The following CAMKMT variants were observed in gnomAD, a reference collection of about 807,000 sequenced individuals.
CAMKMT encodes calmodulin-lysine N-methyltransferase, also known as CaM KMT.
In CAMKMT, 53 loss-of-function variants were observed where a neutral mutation model predicts 48.0. The observed-to-expected ratio is 1.10, with a 90% CI of 0.89 to 1.39. The LOEUF is 1.39. Ranked by LOEUF, CAMKMT falls within the 40% of genes most tolerant of loss-of-function variation. The pLI, the probability that CAMKMT is intolerant of heterozygous loss-of-function variation, is 0.00. For missense variants in CAMKMT, 428 were observed against 402.7 expected, an observed-to-expected ratio of 1.06 and a Z score of -0.54; for synonymous variants, 165 against 152.3, an observed-to-expected ratio of 1.08 and a Z score of -0.61.
intron 3 of CAMKMT, among the ~76,000 whole-genome samples, chr2:44,605,148 G>A (rs542647671): frequency 7.9e-5 from 12 of 152,070 alleles, no homozygotes; most frequent in Admixed American, 5.9e-4. Flanking sequence ...GTGTAATAGG[G>A]AGACAAAAAC....
chr2:44,394,699 A>T (rs1169558140), intron 3 of CAMKMT, among the ~76,000 whole-genome samples: 1 of 152,168 alleles, frequency 6.6e-6, no homozygotes, highest in African/African-American at 2.4e-5. Context: ...AAGTGCTGGG[A>T]TTATAGGCAA....
chr2:44,624,349 T>C (rs1043985378), intron 3 of CAMKMT, among the ~76,000 whole-genome samples: 1 of 152,160 alleles, frequency 6.6e-6, no homozygotes, highest in African/African-American at 2.4e-5. Flanking sequence ...TATTATACTT[T>C]AAGTTTTAGG....
intron 3 of CAMKMT, among the ~76,000 whole-genome samples, chr2:44,545,596 G>A (rs900871934): frequency 8.6e-5 from 13 of 151,532 alleles, no homozygotes; most frequent in African/African-American, 3.1e-4. Flanking sequence ...TTGAGATACA[G>A]GGAGGTTGTG....
chr2:44,451,259 A>G (rs1437263299), intron 3 of CAMKMT, among the ~76,000 whole-genome samples: 1 of 152,074 alleles, frequency 6.6e-6, no homozygotes, highest in Non-Finnish European at 1.5e-5. Flanking sequence ...AGAGGTTTGA[A>G]GTAGAATAGT....
chr2:44,487,327 G>T (rs1159061534), intron 3 of CAMKMT, among the ~76,000 whole-genome samples: 2 of 151,802 alleles, frequency 1.3e-5, no homozygotes, highest in East Asian at 3.9e-4. Flanking sequence ...AGCTTAAAAA[G>T]AACTTTCTAG....
At chr2:44,623,160 TA>T (rs1366782732) in intron 3 of CAMKMT, among the ~76,000 whole-genome samples, 1 of 152,144 alleles carries the variant, frequency 6.6e-6, no homozygotes, top group Non-Finnish European at 1.5e-5. Flanking sequence ...GTCCTTTGCC[TA>T]CTTCTTAATG....
chr2:44,588,648 T>G lies in CAMKMT; in HGVS notation c.377-115635T>G, dbSNP rs1299993503. ...CCAGCCGCCCAGTCCGGGAGGGAGG[T>G]GGGGGGTCAGCCCCCCGCCCGGCCA... is the stretch of plus-strand genomic sequence containing the variant. On this transcript the variant is annotated intron_variant, in intron 3 of 10. Coordinates refer to ENST00000378494, the MANE Select transcript of CAMKMT (RefSeq NM_024766.5). 4.0e-4 allele frequency among the ~76,000 whole-genome samples: 10 copies of G among 24,842 alleles called. 1 individual carries two copies. Among genetic ancestry groups the G allele is most frequent in the Non-Finnish European group, 4.7e-4 (6 of 12,844 alleles). The allele number at this position is 24,842 out of a possible 152,430, so 16.3% of individuals were successfully genotyped here.
intron 3 of CAMKMT, chr2:44,456,692 ACCT>A (rs2104606232): frequency 1.5e-6 from 2 of 1,292,036 alleles, no homozygotes; most frequent in South Asian, 2.9e-5. Context: ...AAGGCATCCT[ACCT>A]CTGCTTGTCT....
At chr2:44,516,803 A>C (rs1448383792) in intron 3 of CAMKMT, among the ~76,000 whole-genome samples, 1 of 144,402 alleles carries the variant, frequency 6.9e-6, no homozygotes, top group Non-Finnish European at 1.5e-5. Context: ...GTACAATGGC[A>C]CAATCTCAGC....
rs184354127 is a variant in CAMKMT, at chr2:44,645,785, C to T, written c.377-58498C>T. On this transcript the variant is annotated intron_variant, in intron 3 of 10. Coordinates refer to ENST00000378494, the MANE Select transcript of CAMKMT (RefSeq NM_024766.5). ...GCAGTGAGCTGAGATTATGCCACTG[C>T]GCTCCAGCCTGGGCAACAGAGCAAG... Among the ~76,000 whole-genome samples the T allele has an allele frequency of 7.6e-4, 115 of 152,262 alleles. 1 individual carries two copies. In the South Asian group the frequency reaches 7.7e-3, roughly 10 times the overall value.
intron 3 of CAMKMT, chr2:44,549,666 A>G: frequency 1.7e-6 from 1 of 580,194 alleles, no homozygotes; most frequent in Non-Finnish European, 3.0e-6. Context: ...GTGGCAGAAG[A>G]TTATGATACT....
chr2:44,710,834 TC>T (rs1677840876), intron 6 of CAMKMT, among the ~76,000 whole-genome samples: 1 of 152,178 alleles, frequency 6.6e-6, no homozygotes, highest in South Asian at 2.1e-4. Context: ...CTGGCTACAA[TC>T]ACTAATGTGC....
rs570548313 is a variant in CAMKMT at position 44,481,334 on chromosome 2, G to A, written c.376+91029G>A. On this transcript the variant is annotated intron_variant, in intron 3 of 10. Transcript: ENST00000378494. ...TGGCATAATGACAGTTTAATTATGT[G>A]CATTTTTTTGTCCTTGCTGTTGTTT... Among the ~76,000 whole-genome samples, 11 of 151,942 alleles carry A rather than the reference G, an allele frequency of 7.2e-5. No homozygotes were observed. The South Asian group carries it at 2.3e-3, about 32-fold the overall frequency.
intron 3 of CAMKMT, among the ~76,000 whole-genome samples, chr2:44,449,816 T>C (rs1254012806): frequency 1.3e-5 from 2 of 152,144 alleles, no homozygotes; most frequent in African/African-American, 4.8e-5. Context: ...TAGTAAATCT[T>C]TGGGGAGGGG....
chr2:44,655,468 C>T (rs1674326625), intron 3 of CAMKMT, among the ~76,000 whole-genome samples: 1 of 152,164 alleles, frequency 6.6e-6, no homozygotes, highest in African/African-American at 2.4e-5. Flanking sequence ...AATCTCCCTT[C>T]CCCCTCCCCA....
intron 3 of CAMKMT, among the ~76,000 whole-genome samples, chr2:44,671,454 C>G (rs562729348): frequency 6.6e-6 from 1 of 152,170 alleles, no homozygotes; most frequent in Non-Finnish European, 1.5e-5. Flanking sequence ...CCAGGTTTCC[C>G]AGCAGTGACA....
At chr2:44,533,358 C>T (rs1002146840) in intron 3 of CAMKMT, among the ~76,000 whole-genome samples, 1 of 151,852 alleles carries the variant, frequency 6.6e-6, no homozygotes, top group African/African-American at 2.4e-5. Flanking sequence ...CCTGCCTCAG[C>T]CTCCTAAGTA....
intron 3 of CAMKMT, among the ~76,000 whole-genome samples, chr2:44,587,906 T>G (rs1487761934): frequency 1.8e-5 from 2 of 111,012 alleles, no homozygotes; most frequent in African/African-American, 6.6e-5. Flanking sequence ...CCACCCCGTC[T>G]GGGAAGTGAG....
intron 3 of CAMKMT, among the ~76,000 whole-genome samples, chr2:44,666,784 AT>A (rs573831385): frequency 8.3e-4 from 126 of 152,040 alleles, no homozygotes; most frequent in African/African-American, 2.9e-3. Flanking sequence ...TAATTTTTGT[AT>A]TTTTAGTAAA....
Sources: gnomAD v4.1 joint callset for allele counts (sites outside exome capture counted in the v4.1 genomes callset) on GRCh38, gnomAD v4.1.1 for gene constraint, MANE v1.5 for transcripts, NCBI Gene and HGNC (gene_info 2026-07-23, HGNC 2026-07-21) for gene names.